NUDT21: variants seen among roughly 807,000 people sequenced by gnomAD.
NUDT21 encodes nudix hydrolase 21.
NUDT21 carries 5 observed loss-of-function variants against 29.8 expected under a neutral mutation model. The ratio of observed to expected loss-of-function variants is 0.17; its 90% CI spans 0.09 to 0.35. The LOEUF (loss-of-function observed/expected upper bound fraction) is 0.35, where lower values mean the gene tolerates loss of function less well. NUDT21 is among the 10% of genes least tolerant of loss of function. The pLI is 1.00. For synonymous variants in NUDT21, 113 were observed against 98.5 expected (o/e 1.15, Z -0.87); for missense variants, 76 against 276.0 (o/e 0.28, Z 5.13).
In NUDT21 at chr16:56,447,770, A is replaced by G. The variant is rs1235331991; in HGVS notation, c.317+19T>C. 6.2e-7 allele frequency: 1 copy of G among 1,611,734 alleles called. No individual in the cohort carries two copies. The highest frequency in any genetic ancestry group is 1.3e-5 in the African/African-American group (1 of 74,868). ...TCCTACTAAAAACTGTCTTGCTGTT[A>G]ATTTCCAACACTACTTACAGTTTGA... On this transcript the variant is annotated intron_variant, in intron 2 of 6. Transcript: ENST00000300291.
At position 56,451,319 on chromosome 16, in the gene NUDT21, CA is replaced by C. The variant is rs1398663014; in HGVS notation, c.-118del. The C allele has an allele frequency of 3.5e-6, 3 of 860,664 alleles. No homozygotes were observed. The highest frequency in any genetic ancestry group is 7.0e-4 in the Middle Eastern group (2 of 2,870). The allele number at this position is 860,664 out of a possible 1,614,324, so 53.3% of individuals were successfully genotyped here. On this transcript the variant is annotated 5_prime_UTR_variant, in exon 1 of 7. Transcript: ENST00000300291. The stretch of plus-strand genomic sequence containing the variant: ...CGGCTACTGCCCGCCATTAACAGGA[CA>C]GCGCAAGAGGAGGCGTAGGCACGCC...
Position 56,451,078 on chromosome 16 carries a change from C to G in NUDT21, c.116+9G>C, listed in dbSNP as rs775295802. ...AGAGAAATGCCCGCCAAGGCCGCGC[C>G]GCACTTACAGGTTGATGGTGCGCTC... is the stretch of plus-strand genomic sequence containing the variant. On this transcript the variant is annotated intron_variant, in intron 1 of 6. Coordinates refer to ENST00000300291, the MANE Select transcript of NUDT21 (RefSeq NM_007006.3). The G allele has an allele frequency of 1.2e-6, 2 of 1,610,286 alleles. No homozygotes were observed. The highest frequency in any genetic ancestry group is 4.5e-5 in the East Asian group (2 of 44,804).
chr16:56,448,068 ATGGT>A, intron 1 of NUDT21, 79 bp from the exon 2 acceptor site: 2 of 1,287,420 alleles, frequency 1.6e-6, no homozygotes, highest in Middle Eastern at 2.6e-4. Context: ...TAAAGAAACC[ATGGT>A]ACAAAAAAAG....
At position 56,435,746 on chromosome 16, in the gene NUDT21, TATATATATATATATATA is replaced by T. The variant is rs1962093521; in HGVS notation, c.472-934_472-918del. The stretch of plus-strand genomic sequence containing the variant: ...GTCTCCCAAAAAAAAAAAAAAATTA[TATATATATATATATATA>T]TATATATATATATATATATATGATC... On this transcript the variant is annotated intron_variant, in intron 4 of 6. Coordinates refer to ENST00000300291, the MANE Select transcript of NUDT21 (RefSeq NM_007006.3). Among the ~76,000 whole-genome samples, 6 of 49,656 alleles carry T rather than the reference TATATATATATATATATA, an allele frequency of 1.2e-4. 1 individual carries two copies. The highest frequency in any genetic ancestry group is 2.4e-4 in the Non-Finnish European group (6 of 25,498). 32.6% of individuals were successfully genotyped at this position (49,656 alleles called of 152,430 possible).
At chr16:56,441,642 C>A (rs1408233850) in intron 3 of NUDT21, among the ~76,000 whole-genome samples, 1 of 152,228 alleles carries the variant, frequency 6.6e-6, no homozygotes, top group African/African-American at 2.4e-5. Flanking sequence ...CTTCCACCAT[C>A]TTCCCATTAT....
At position 56,430,484 on chromosome 16, in the gene NUDT21, TA is replaced by T. The variant is rs1962021757; in HGVS notation, c.*2227del. On this transcript the variant is annotated 3_prime_UTR_variant, in exon 7 of 7. Coordinates refer to ENST00000300291, the MANE Select transcript of NUDT21 (RefSeq NM_007006.3). ...GACAAATATACAACATAGAAGCCAC[TA>T]AAAAATATGGGTCTATTAATCAAGA... 2 of 152,154 alleles carry T rather than the reference TA, an allele frequency of 1.3e-5. No individual in the cohort carries two copies. Among genetic ancestry groups the T allele is most frequent in the African/African-American group, 4.8e-5 (2 of 41,428 alleles). The allele number at this position is 152,154 out of a possible 1,614,324, so 9.4% of individuals were successfully genotyped here.
At position 56,430,952 on chromosome 16, in the gene NUDT21, G is replaced by A. The variant is rs1407694562; in HGVS notation, c.*1760C>T. The A allele has an allele frequency of 6.6e-6, 1 of 152,200 alleles. No individual in the cohort carries two copies. Among genetic ancestry groups the A allele is most frequent in the African/African-American group, 2.4e-5 (1 of 41,446 alleles). 9.4% of individuals were successfully genotyped at this position (152,200 alleles called of 1,614,324 possible). On this transcript the variant is annotated 3_prime_UTR_variant, in exon 7 of 7. Transcript: ENST00000300291. ...AGTTACAAAGAACATGAGTGGCCTC[G>A]AATCAGATGACTCTTCAACTCAAAC...
Position 56,450,474 on chromosome 16 carries a change from TGTG to T in NUDT21, c.116+610_116+612del, listed in dbSNP as rs1402520828. 3.9e-5 allele frequency among the ~76,000 whole-genome samples: 6 copies of T among 152,280 alleles called. No homozygotes were observed. In the East Asian group the frequency reaches 1.2e-3, roughly 29 times the overall value. ...CCTTACTCCCAAGGAGGGGCCTACT[TGTG>T]GTGCCTGGGATGCCGGCATTGAGAC... On this transcript the variant is annotated intron_variant, in intron 1 of 6. Coordinates refer to ENST00000300291, the MANE Select transcript of NUDT21 (RefSeq NM_007006.3).
Position 56,432,689 on chromosome 16 carries a change from T to C in NUDT21, c.*23A>G. 2 of 1,607,696 alleles carry C rather than the reference T, an allele frequency of 1.2e-6. No homozygotes were observed. Among genetic ancestry groups the C allele is most frequent in the South Asian group, 1.1e-5 (1 of 90,182 alleles). On this transcript the variant is annotated 3_prime_UTR_variant, in exon 7 of 7. Coordinates refer to ENST00000300291, the MANE Select transcript of NUDT21 (RefSeq NM_007006.3). The stretch of plus-strand genomic sequence containing the variant: ...TGCTCACAGAGACAAGCGGCTTCTT[T>C]TACTTCTCCACTGCGCAGGAATTCA...
At chr16:56,434,958 T>C (rs1217385102) in intron 4 of NUDT21, 129 bp from the exon 5 acceptor site, 2 of 598,408 alleles carry the variant, frequency 3.3e-6, no homozygotes, top group South Asian at 2.3e-5. Flanking sequence ...CCAGGACTTA[T>C]CTAACAGATA....
At chr16:56,451,010 G>A (rs1228208377) in intron 1 of NUDT21, 77 bp downstream of exon 1, 2 of 1,295,684 alleles carry the variant, frequency 1.5e-6, no homozygotes, top group East Asian at 4.8e-5. Context: ...GAAGCGCGCC[G>A]AAAAGCCGGG....
chr16:56,444,360 G>A (rs939269106), intron 3 of NUDT21, among the ~76,000 whole-genome samples: 9 of 152,154 alleles, frequency 5.9e-5, no homozygotes, highest in African/African-American at 1.9e-4. Flanking sequence ...AAAGCAGGCA[G>A]ATCACCTGAG....
chr16:56,433,761 C>T (rs1480746018), intron 6 of NUDT21, among the ~76,000 whole-genome samples: 1 of 152,092 alleles, frequency 6.6e-6, no homozygotes, highest in Non-Finnish European at 1.5e-5. Flanking sequence ...GATCTCAGTT[C>T]ATTGCAACCT....
intron 3 of NUDT21, among the ~76,000 whole-genome samples, chr16:56,443,181 TC>T (rs1454760503): frequency 6.6e-6 from 1 of 151,862 alleles, no homozygotes; most frequent in Non-Finnish European, 1.5e-5. Context: ...TATTTTTTTT[TC>T]TTTTTTTTTT....
chr16:56,433,411 G>C (rs11641471), intron 6 of NUDT21, among the ~76,000 whole-genome samples: 17,659 of 152,210 alleles, frequency 0.12, 1,069 homozygotes, highest in Non-Finnish European at 0.13. Flanking sequence ...AGCAAGTACT[G>C]AGGTTGGGCT....
At chr16:56,437,647 G>A (rs1375880678) in intron 4 of NUDT21, among the ~76,000 whole-genome samples, 1 of 152,076 alleles carries the variant, frequency 6.6e-6, no homozygotes, top group Non-Finnish European at 1.5e-5. Flanking sequence ...CATGGTTCCT[G>A]GTCCTTAACA....
chr16:56,450,679 G>A (rs1388265781), intron 1 of NUDT21, among the ~76,000 whole-genome samples: 2 of 152,222 alleles, frequency 1.3e-5, no homozygotes, highest in African/African-American at 4.8e-5. Context: ...CTGCAAAAAT[G>A]ATACTAGGTT....
chr16:56,429,751 TA>T lies in NUDT21; in HGVS notation c.*2960del, dbSNP rs1218716696. On this transcript the variant is annotated 3_prime_UTR_variant, in exon 7 of 7. Transcript: ENST00000300291. Reference sequence around the variant, plus strand: ...CTAAGCCTTCTTTGGCAATGAAACATACAAAATTGCAAACTCTGATGCAGTC... The same window carrying T: ...CTAAGCCTTCTTTGGCAATGAAACATCAAAATTGCAAACTCTGATGCAGTC... 2 of 152,154 alleles carry T rather than the reference TA, an allele frequency of 1.3e-5. No homozygotes were observed. Among genetic ancestry groups the T allele is most frequent in the Non-Finnish European group, 2.9e-5 (2 of 68,008 alleles). The allele number at this position is 152,154 out of a possible 1,614,324, so 9.4% of individuals were successfully genotyped here.
intron 3 of NUDT21, among the ~76,000 whole-genome samples, chr16:56,444,595 C>T (rs1244784198): frequency 2.8e-5 from 4 of 143,012 alleles, no homozygotes; most frequent in South Asian, 2.3e-4. Context: ...AGTGAAACTC[C>T]GCCTCAAAAA....
Sources: gnomAD v4.1 joint callset for allele counts (sites outside exome capture counted in the v4.1 genomes callset) on GRCh38, gnomAD v4.1.1 for gene constraint, MANE v1.5 for transcripts, NCBI Gene and HGNC (gene_info 2026-07-23, HGNC 2026-07-21) for gene names.